UGT8: variants seen among roughly 807,000 people sequenced by gnomAD.
UGT8 encodes UDP glycosyltransferase 8.
Under a neutral mutation model 40.5 loss-of-function variants are expected in UGT8, and 12 were observed. The ratio of observed to expected loss-of-function variants is 0.30; its 90% CI spans 0.19 to 0.48. UGT8 has a LOEUF of 0.48. UGT8 is among the 20% of genes least tolerant of loss of function. The pLI, the probability that UGT8 is intolerant of heterozygous loss-of-function variation, is 0.99. For synonymous variants in UGT8, 224 were observed against 240.4 expected, an observed-to-expected ratio of 0.93 and a Z score of 0.63; for missense variants, 513 against 648.7, an observed-to-expected ratio of 0.79 and a Z score of 2.27.
At chr4:114,653,701 C>T (rs1000111648) in intron 2 of UGT8, among the ~76,000 whole-genome samples, 1 of 152,032 alleles carries the variant, frequency 6.6e-6, no homozygotes, top group Admixed American at 6.6e-5. Flanking sequence ...CAAGAGAAAA[C>T]TGGGCTACAA....
At position 114,670,670 on chromosome 4, in the gene UGT8, C is replaced by T. The variant is rs1038597532; in HGVS notation, c.1262+2366C>T. Among the ~76,000 whole-genome samples the T allele has an allele frequency of 3.2e-4, 49 of 151,858 alleles. 1 individual carries two copies. The highest frequency in any genetic ancestry group is 3.9e-4 in the Admixed American group (6 of 15,248). On this transcript the variant is annotated intron_variant, in intron 5 of 5. Coordinates refer to ENST00000310836, the MANE Select transcript of UGT8 (RefSeq NM_001128174.3). ...GGTATTGATGGAACATATCTCAAAA[C>T]AATAAGAGGTATTTATGACAAACCT...
rs750954771 is a variant in UGT8, at chr4:114,623,550, C to G, written c.670C>G (p.Leu224Val). Residue 224 changes from leucine to valine, a missense_variant, in exon 2 of 6, where the codon CTG becomes GTG. Physicochemically the swap from Leu to Val is conservative, Grantham distance 32 (BLOSUM62 1). Transcript: ENST00000310836. ...TGAAAGGATAATGCAGAAGTACAACCTGCTGCCAGAGAAGTCCATGTATGA... is the reference window on the plus strand; with the variant it reads ...TGAAAGGATAATGCAGAAGTACAACGTGCTGCCAGAGAAGTCCATGTATGA... ...KYERIMQKYN[L>V]LPEKSMYDLV... The G allele has an allele frequency of 6.2e-7, 1 of 1,613,980 alleles. No individual in the cohort carries two copies. Among genetic ancestry groups the G allele is most frequent in the African/African-American group, 1.3e-5 (1 of 74,892 alleles).
intron 1 of UGT8, among the ~76,000 whole-genome samples, chr4:114,605,187 T>A (rs1730666580): frequency 6.6e-6 from 1 of 152,170 alleles, no homozygotes; most frequent in Non-Finnish European, 1.5e-5. Flanking sequence ...GGTTTATGAA[T>A]GGCAGGGCAT....
intron 2 of UGT8, among the ~76,000 whole-genome samples, chr4:114,638,326 G>C (rs1733012576): frequency 1.3e-5 from 2 of 152,028 alleles, no homozygotes; most frequent in Admixed American, 1.3e-4. Context: ...TTAGGGCCTG[G>C]GAGTAAGGAA....
chr4:114,663,746 C>T (rs1578464343), intron 2 of UGT8: 2 of 985,092 alleles, frequency 2.0e-6, no homozygotes, highest in Admixed American at 1.2e-4. Flanking sequence ...CCTTTAGCAA[C>T]TGATTTTTTA....
chr4:114,605,178 G>A (rs1161721828), intron 1 of UGT8, among the ~76,000 whole-genome samples: 4 of 152,134 alleles, frequency 2.6e-5, no homozygotes, highest in Non-Finnish European at 5.9e-5. Context: ...GGTACCTTTG[G>A]TTTATGAATG....
At position 114,677,668 on chromosome 4, in the gene UGT8, A is replaced by G. The variant is rs1319408647; in HGVS notation, c.*1380A>G. 6.6e-6 allele frequency: 1 copy of G among 152,228 alleles called. No homozygotes were observed. Among genetic ancestry groups the G allele is most frequent in the African/African-American group, 2.4e-5 (1 of 41,450 alleles). 9.4% of individuals were successfully genotyped at this position (152,228 alleles called of 1,614,324 possible). ...TAGTTGGCAACTATGAATTTATTCC[A>G]TGTCATTCTGTTTACTTAGCACTTG... On this transcript the variant is annotated 3_prime_UTR_variant, in exon 6 of 6. Transcript: ENST00000310836.
chr4:114,645,301 T>C (rs1456828929), intron 2 of UGT8, among the ~76,000 whole-genome samples: 1 of 152,206 alleles, frequency 6.6e-6, no homozygotes, highest in East Asian at 1.9e-4. Context: ...TGTTGAGTTC[T>C]TTACATGTAC....
chr4:114,678,093 A>C lies in UGT8; in HGVS notation c.*1805A>C, dbSNP rs560079943. The stretch of plus-strand genomic sequence containing the variant: ...GAATGGTGGGATAGTAAGAGGACTT[A>C]GAGTGTATGAATGAGTTGATTTTAC... On this transcript the variant is annotated 3_prime_UTR_variant, in exon 6 of 6. Coordinates refer to ENST00000310836, the MANE Select transcript of UGT8 (RefSeq NM_001128174.3). 4.6e-5 allele frequency: 7 copies of C among 152,346 alleles called. No individual in the cohort carries two copies. The highest frequency in any genetic ancestry group is 4.6e-4 in the Admixed American group (7 of 15,300). The allele number at this position is 152,346 out of a possible 1,614,324, so 9.4% of individuals were successfully genotyped here.
At chr4:114,620,709 G>A (rs1011524626) in intron 1 of UGT8, among the ~76,000 whole-genome samples, 1 of 152,058 alleles carries the variant, frequency 6.6e-6, no homozygotes, top group African/African-American at 2.4e-5. Flanking sequence ...GAGTAGGAGA[G>A]GAAAAAAGCA....
rs11930035 is a variant in UGT8, at chr4:114,669,633, C to T, written c.1262+1329C>T. On this transcript the variant is annotated intron_variant, in intron 5 of 5. Transcript: ENST00000310836. Reference sequence around the variant, plus strand: ...TTGCGAGGCATGAACCAGGCTGAATCAGAGCAAGAACAGGTTGCAATCTTA... The same window carrying T: ...TTGCGAGGCATGAACCAGGCTGAATTAGAGCAAGAACAGGTTGCAATCTTA... Among the ~76,000 whole-genome samples the T allele has an allele frequency of 2.4e-3, 370 of 152,254 alleles. 1 individual carries two copies. Among genetic ancestry groups the T allele is most frequent in the African/African-American group, 8.3e-3 (344 of 41,550 alleles).
intron 2 of UGT8, among the ~76,000 whole-genome samples, chr4:114,640,463 A>C (rs1308810373): frequency 6.6e-6 from 1 of 151,574 alleles, no homozygotes; most frequent in Non-Finnish European, 1.5e-5. Flanking sequence ...AGATTTTTTT[A>C]AGTGTTAAAG....
At chr4:114,640,866 T>C (rs1345933838) in intron 2 of UGT8, among the ~76,000 whole-genome samples, 1 of 152,184 alleles carries the variant, frequency 6.6e-6, no homozygotes, top group Non-Finnish European at 1.5e-5. Flanking sequence ...GTCCTTCTCA[T>C]AACACATGAG....
intron 2 of UGT8, among the ~76,000 whole-genome samples, chr4:114,654,968 T>G (rs2126125504): frequency 6.6e-6 from 1 of 152,214 alleles, no homozygotes. Flanking sequence ...TGCAATGGCT[T>G]TATAATTTTC....
intron 1 of UGT8, among the ~76,000 whole-genome samples, chr4:114,617,415 A>T (rs577989169): frequency 2.7e-4 from 41 of 152,332 alleles, no homozygotes; most frequent in African/African-American, 9.9e-4. Context: ...TGGTAGACAC[A>T]CCTATTAAAA....
chr4:114,611,539 A>ATG (rs2082243240), intron 1 of UGT8, among the ~76,000 whole-genome samples: 1 of 52,094 alleles, frequency 1.9e-5, no homozygotes. Context: ...ATATATATAT[A>ATG]TATATATACA....
Position 114,623,370 on chromosome 4 carries a change from T to C in UGT8, c.490T>C (p.Tyr164His). 6.2e-7 allele frequency: 1 copy of C among 1,614,174 alleles called. No homozygotes were observed. The highest frequency in any genetic ancestry group is 2.2e-5 in the East Asian group (1 of 44,892). ...TGCTGTATTTTCAACTGGCCTTTGGTATCCTGCTGAAGTGGGTGCTCCTGC... is the reference window on the plus strand; with the variant it reads ...TGCTGTATTTTCAACTGGCCTTTGGCATCCTGCTGAAGTGGGTGCTCCTGC... ...KYAVFSTGLW[Y>H]PAEVGAPAPL... is the part of the protein sequence containing the mutation. The change falls in exon 2 of 6, where the codon TAT becomes CAT. Residue 164 changes from tyrosine to histidine, a missense_variant. Physicochemically the swap from Tyr to His is moderately conservative, Grantham distance 83. Transcript: ENST00000310836.
At chr4:114,626,468 C>T (rs1273964614) in intron 2 of UGT8, among the ~76,000 whole-genome samples, 1 of 152,092 alleles carries the variant, frequency 6.6e-6, no homozygotes, top group Non-Finnish European at 1.5e-5. Flanking sequence ...AATTTCACAA[C>T]CTGGGATGAA....
intron 4 of UGT8, 52 bp downstream of exon 4, chr4:114,665,808 A>C (rs779257529): frequency 1.3e-6 from 2 of 1,485,398 alleles, no homozygotes; most frequent in Non-Finnish European, 1.8e-6. Flanking sequence ...TTAATTACAT[A>C]AATGTGACTT....
Sources: allele counts gnomAD v4.1 joint callset (sites outside exome capture counted in the v4.1 genomes callset), GRCh38; gene constraint gnomAD v4.1.1; transcripts MANE v1.5; gene names NCBI Gene and HGNC (gene_info 2026-07-23, HGNC 2026-07-21).